The following TMEM131L variants were observed in gnomAD, a reference collection of about 807,000 sequenced individuals.
TMEM131L encodes transmembrane 131 like.
TMEM131L carries 54 observed loss-of-function variants against 192.2 expected under a neutral mutation model. The ratio of observed to expected loss-of-function variants is 0.28; its 90% confidence interval spans 0.23 to 0.35. The LOEUF (loss-of-function observed/expected upper bound fraction) is 0.35. Among genes scored for constraint, TMEM131L ranks in the 10% least tolerant of loss-of-function variants. TMEM131L has a pLI of 1.00. For missense variants in TMEM131L, 1,888 were observed against 1,972.9 expected, an observed-to-expected ratio of 0.96 and a Z score of 0.82; for synonymous variants, 701 against 704.9, an observed-to-expected ratio of 0.99 and a Z score of 0.09.
chr4:153,505,861 A>G (rs1387657533), intron 3 of TMEM131L, among the ~76,000 whole-genome samples: 1 of 152,146 alleles, frequency 6.6e-6, no homozygotes, highest in African/African-American at 2.4e-5. Context: ...ATCAAGTTGG[A>G]ATGAGTAAGA....
intron 3 of TMEM131L, among the ~76,000 whole-genome samples, chr4:153,529,484 T>C (rs1484208979): frequency 2.6e-5 from 4 of 152,212 alleles, no homozygotes; most frequent in African/African-American, 9.6e-5. Context: ...GTGGACTCTT[T>C]ATTTAGAAAT....
intron 3 of TMEM131L, among the ~76,000 whole-genome samples, chr4:153,506,057 A>T (rs555893094): frequency 6.6e-6 from 1 of 152,224 alleles, no homozygotes; most frequent in African/African-American, 2.4e-5. Flanking sequence ...TAACTTAGGT[A>T]TAATTGCGCT....
At chr4:153,598,887 G>A (rs1731634343) in intron 21 of TMEM131L, among the ~76,000 whole-genome samples, 155 bp downstream of exon 21, 1 of 151,942 alleles carries the variant, frequency 6.6e-6, no homozygotes, top group African/African-American at 2.4e-5. Context: ...AAATAATTAG[G>A]CAAACATTTG....
At chr4:153,547,597 T>C (rs1737279358) in intron 3 of TMEM131L, among the ~76,000 whole-genome samples, 1 of 152,222 alleles carries the variant, frequency 6.6e-6, no homozygotes, top group Non-Finnish European at 1.5e-5. Flanking sequence ...ATGGGGTAGA[T>C]CGTTTCCATT....
In TMEM131L at chr4:153,632,932, G is replaced by C. The variant is rs1291610161; in HGVS notation, c.4328+94G>C. 2.1e-6 allele frequency: 3 copies of C among 1,462,636 alleles called. No homozygotes were observed. The African/African-American group carries it at 4.2e-5, about 21-fold the overall frequency. 90.6% of individuals were successfully genotyped at this position (1,462,636 alleles called of 1,614,324 possible). A position where few individuals can be genotyped will look rare whatever the true frequency, so the allele number is the denominator to read the frequency against. ...TTTCTTAGGGTTTCCTTACAAAAAT[G>C]AAGGCTAGGCTTCTTCCTTGGTGTA... On this transcript the variant is annotated intron_variant, in intron 32 of 34. Transcript: ENST00000409959.
At chr4:153,542,100 C>T (rs1314091045) in intron 3 of TMEM131L, among the ~76,000 whole-genome samples, 2 of 152,166 alleles carry the variant, frequency 1.3e-5, no homozygotes, top group Admixed American at 6.5e-5. Context: ...ACAGTGATCA[C>T]AAATGTCAGT....
At chr4:153,604,546 G>T in intron 25 of TMEM131L, 116 bp downstream of exon 25, 1 of 1,049,248 alleles carries the variant, frequency 9.5e-7, no homozygotes, top group Non-Finnish European at 1.4e-6. Context: ...TTTTAGCAAA[G>T]GTTTAAATAT....
At chr4:153,620,714 T>C in intron 26 of TMEM131L, 42 bp from the exon 27 acceptor site, 1 of 1,275,900 alleles carries the variant, frequency 7.8e-7, no homozygotes, top group South Asian at 1.3e-5. Flanking sequence ...TTTTTATTCA[T>C]ATTTAGTTTA....
chr4:153,569,269 C>G (rs1002724817), intron 7 of TMEM131L, among the ~76,000 whole-genome samples: 4 of 152,194 alleles, frequency 2.6e-5, no homozygotes, highest in African/African-American at 7.2e-5. Flanking sequence ...CTTTCACCTT[C>G]TTGGACCTGT....
intron 3 of TMEM131L, among the ~76,000 whole-genome samples, chr4:153,496,799 G>T (rs1305580754): frequency 1.3e-5 from 2 of 151,908 alleles, no homozygotes; most frequent in African/African-American, 4.8e-5. Context: ...TGATCCACTC[G>T]CTTTGGCCTC....
At position 153,555,775 on chromosome 4, in the gene TMEM131L, T is replaced by A; in HGVS notation, c.309-12T>A. ...ACAATACATTGATTTTTCTCTTTGTTTCTCCTCCTAGGTTCCTGGGACATC... is the reference window on the plus strand; with the variant it reads ...ACAATACATTGATTTTTCTCTTTGTATCTCCTCCTAGGTTCCTGGGACATC... On this transcript the variant is annotated splice_polypyrimidine_tract_variant and intron_variant, in intron 4 of 34. Transcript: ENST00000409959. The surrounding 1 kb of genome is among the most constrained non-coding windows in gnomAD (Gnocchi z 4.1). 1 of 1,549,146 alleles carries A rather than the reference T, an allele frequency of 6.5e-7. No homozygotes were observed. The highest frequency in any genetic ancestry group is 8.7e-7 in the Non-Finnish European group (1 of 1,144,906).
At chr4:153,615,532 A>G (rs140687947) in intron 26 of TMEM131L, among the ~76,000 whole-genome samples, 2 of 152,376 alleles carry the variant, frequency 1.3e-5, no homozygotes, top group East Asian at 3.9e-4. Flanking sequence ...GTGCAGGTAT[A>G]GCAAGTATAC....
intron 2 of TMEM131L, among the ~76,000 whole-genome samples, chr4:153,472,691 C>T (rs936229719): frequency 1.2e-4 from 18 of 152,066 alleles, no homozygotes; most frequent in Admixed American, 4.6e-4. Context: ...ATGTGAGTTG[C>T]GGTTTTAAGA....
chr4:153,524,249 C>T (rs1735322989), intron 3 of TMEM131L, among the ~76,000 whole-genome samples: 1 of 151,552 alleles, frequency 6.6e-6, no homozygotes, highest in Non-Finnish European at 1.5e-5. Flanking sequence ...CCTTCCAGGG[C>T]ATGTAGCCCA....
intron 3 of TMEM131L, among the ~76,000 whole-genome samples, chr4:153,533,516 G>A (rs1181034413): frequency 6.6e-6 from 1 of 152,178 alleles, no homozygotes; most frequent in African/African-American, 2.4e-5. Context: ...CATTCAAGCA[G>A]TGGAACTAAA....
intron 3 of TMEM131L, among the ~76,000 whole-genome samples, chr4:153,513,284 T>C (rs1391035590): frequency 6.6e-6 from 1 of 152,250 alleles, no homozygotes; most frequent in Non-Finnish European, 1.5e-5. Context: ...ACTGTGAGGC[T>C]TGACTATGTA....
chr4:153,589,052 C>T, intron 16 of TMEM131L, 45 bp downstream of exon 16: 3 of 1,006,076 alleles, frequency 3.0e-6, no homozygotes, highest in Non-Finnish European at 4.7e-6. Flanking sequence ...TGGGGAGACA[C>T]TGTTACAGTA....
Position 153,555,668 on chromosome 4 carries a change from A to G in TMEM131L, c.309-119A>G. Reference sequence around the variant, plus strand: ...ATTGGATAATTTAACTTTGTGATGAACAGCAACAGCTTTCTGGGTTTAAAA... The same window carrying G: ...ATTGGATAATTTAACTTTGTGATGAGCAGCAACAGCTTTCTGGGTTTAAAA... On this transcript the variant is annotated intron_variant, in intron 4 of 34. Transcript: ENST00000409959. This position sits in a 1 kb window ranked among gnomAD's most constrained non-coding sequence, Gnocchi z 4.1. 1.3e-6 allele frequency: 1 copy of G among 795,274 alleles called. No individual in the cohort carries two copies. The highest frequency in any genetic ancestry group is 1.8e-6 in the Non-Finnish European group (1 of 542,294). The allele number at this position is 795,274 out of a possible 1,614,324, so 49.3% of individuals were successfully genotyped here.
Position 153,604,272 on chromosome 4 carries a change from A to G in TMEM131L, c.3260A>G (p.Lys1087Arg). 3 of 1,614,156 alleles carry G rather than the reference A, an allele frequency of 1.9e-6. No individual in the cohort carries two copies. Among genetic ancestry groups the G allele is most frequent in the South Asian group, 2.2e-5 (2 of 91,088 alleles). ...KEGIQTCMFP[K>R]ETDIKTSENT... ...GGAATACAGACATGTATGTTTCCTAAGGAAACTGACATTAAAACTTCAGAG... is the reference window on the plus strand; with the variant it reads ...GGAATACAGACATGTATGTTTCCTAGGGAAACTGACATTAAAACTTCAGAG... The change falls in exon 25 of 35, where the codon AAG (lysine) becomes AGG (arginine). Residue 1087 changes from lysine (K) to arginine (R), a missense_variant. Physicochemically the swap from Lys to Arg is conservative, Grantham distance 26. Transcript: ENST00000409959.
Sources: allele counts gnomAD v4.1 joint callset (sites outside exome capture counted in the v4.1 genomes callset), GRCh38; gene constraint gnomAD v4.1.1; non-coding constraint Gnocchi (gnomAD v3.1); transcripts MANE v1.5; gene names NCBI Gene and HGNC (gene_info 2026-07-23, HGNC 2026-07-21).